The following ST3GAL2 variants were observed in gnomAD, a reference collection of about 807,000 sequenced individuals.
The protein encoded by ST3GAL2 is CMP-N-acetylneuraminate-beta-galactosamide-alpha-2,3-sialyltransferase 2.
In ST3GAL2, 16 loss-of-function variants were observed where a neutral mutation model predicts 37.5. The ratio of observed to expected loss-of-function variants is 0.43; its 90% CI spans 0.29 to 0.65. ST3GAL2 has a LOEUF of 0.65. Among genes scored for constraint, ST3GAL2 ranks in the 30% least tolerant of loss-of-function variants. The pLI is 0.17. For missense variants in ST3GAL2, 383 were observed against 487.8 expected (o/e 0.79, Z 2.02); for synonymous variants, 238 against 202.9 (o/e 1.17, Z -1.47).
intron 1 of ST3GAL2, among the ~76,000 whole-genome samples, chr16:70,431,511 A>C (rs1371438515): frequency 2.6e-5 from 4 of 152,184 alleles, no homozygotes; most frequent in Admixed American, 6.5e-5. Context: ...CAGAAAGAAG[A>C]AGCTGGGTTG....
In ST3GAL2 at chr16:70,399,532, C is replaced by T; in HGVS notation, c.-1002G>A. On this transcript the variant is annotated splice_region_variant and 5_prime_UTR_variant, in exon 2 of 7. Transcript: ENST00000342907. Reference sequence around the variant, plus strand: ...CGGGCGCCAGGCTGCCGCAGCACGACCCTAGAATGGCAGAGAGGAGAAATA... The same window carrying T: ...CGGGCGCCAGGCTGCCGCAGCACGATCCTAGAATGGCAGAGAGGAGAAATA... 1 of 398,056 alleles carries T rather than the reference C, an allele frequency of 2.5e-6. No individual in the cohort carries two copies. The highest frequency in any genetic ancestry group is 1.4e-4 in the South Asian group (1 of 7,308). The allele number at this position is 398,056 out of a possible 1,614,324, so 24.7% of individuals were successfully genotyped here.
chr16:70,407,202 G>T (rs931212294), intron 1 of ST3GAL2, among the ~76,000 whole-genome samples: 1 of 150,564 alleles, frequency 6.6e-6, no homozygotes, highest in African/African-American at 2.4e-5. Flanking sequence ...GTGCAGTGGC[G>T]CAATATTGGC....
chr16:70,403,986 C>T (rs1367760882), intron 1 of ST3GAL2, among the ~76,000 whole-genome samples: 3 of 151,636 alleles, frequency 2.0e-5, no homozygotes, highest in Non-Finnish European at 4.4e-5. Flanking sequence ...CAGAGTGATA[C>T]CACAACTCGA....
chr16:70,385,831 T>A (rs1426902866), intron 4 of ST3GAL2, among the ~76,000 whole-genome samples: 1 of 150,376 alleles, frequency 6.6e-6, no homozygotes, highest in Non-Finnish European at 1.5e-5. Flanking sequence ...ACCTCATCCT[T>A]GAGTGGCTAG....
intron 1 of ST3GAL2, among the ~76,000 whole-genome samples, chr16:70,413,492 G>A (rs1174066007): frequency 1.4e-5 from 2 of 139,900 alleles, no homozygotes; most frequent in East Asian, 2.1e-4. Flanking sequence ...GAAGCAGCCA[G>A]ATCACCTGAG....
At chr16:70,430,848 G>C (rs1332640500) in intron 1 of ST3GAL2, among the ~76,000 whole-genome samples, 1 of 152,028 alleles carries the variant, frequency 6.6e-6, no homozygotes, top group East Asian at 1.9e-4. Context: ...ATTCCCTTTG[G>C]TTGCTGCCAT....
intron 2 of ST3GAL2, 60 bp downstream of exon 2, chr16:70,398,132 G>A: frequency 1.3e-6 from 2 of 1,549,054 alleles, no homozygotes; most frequent in Non-Finnish European, 1.8e-6. Flanking sequence ...ATCCAAGAGG[G>A]GGCTCTGAGT....
intron 3 of ST3GAL2, among the ~76,000 whole-genome samples, chr16:70,392,639 A>C (rs1376599802): frequency 6.6e-6 from 1 of 152,142 alleles, no homozygotes; most frequent in Non-Finnish European, 1.5e-5. Context: ...AAATAGGAGG[A>C]GTGAGTGGCA....
intron 1 of ST3GAL2, among the ~76,000 whole-genome samples, chr16:70,403,322 C>T (rs1262491721): frequency 6.6e-6 from 1 of 152,138 alleles, no homozygotes; most frequent in Non-Finnish European, 1.5e-5. Flanking sequence ...CTGTCATTCA[C>T]TATACAGAAA....
intron 1 of ST3GAL2, among the ~76,000 whole-genome samples, chr16:70,417,929 C>G (rs150566001): frequency 3.1e-3 from 466 of 152,262 alleles, no homozygotes; most frequent in African/African-American, 0.01. Context: ...AAGGTGCTGA[C>G]AGTCCGCTCT....
intron 6 of ST3GAL2, 78 bp from the exon 7 acceptor site, chr16:70,381,940 A>G (rs2047408947): frequency 6.4e-7 from 1 of 1,562,556 alleles, no homozygotes; most frequent in Middle Eastern, 2.2e-4. Context: ...GATGACAGGG[A>G]GGAGAGGGGA....
In ST3GAL2 at chr16:70,423,004, C is replaced by G. The variant is rs2047725795; in HGVS notation, c.-1004+15945G>C. 2.0e-5 allele frequency: 3 copies of G among 152,218 alleles called. No individual in the cohort carries two copies. The South Asian group carries it at 6.2e-4, about 32-fold the overall frequency. 9.4% of individuals were successfully genotyped at this position (152,218 alleles called of 1,614,324 possible). On this transcript the variant is annotated intron_variant, in intron 1 of 6. Transcript: ENST00000342907. ...CAAAGGAGGAGACAGAGGGGGAGCA[C>G]GACTCACCCCAAATCCCTCAACAGA...
intron 1 of ST3GAL2, among the ~76,000 whole-genome samples, chr16:70,401,994 CAAAA>C (rs749422742): frequency 1.7e-5 from 1 of 60,196 alleles, no homozygotes; most frequent in Admixed American, 2.3e-4. Context: ...AACTCTGCCT[CAAAA>C]AAAAAAAAAA....
At chr16:70,420,188 G>T (rs1287851492) in intron 1 of ST3GAL2, among the ~76,000 whole-genome samples, 1 of 152,098 alleles carries the variant, frequency 6.6e-6, no homozygotes, top group Admixed American at 6.6e-5. Context: ...TGGGAGGATG[G>T]AACCAGGTGG....
intron 1 of ST3GAL2, among the ~76,000 whole-genome samples, chr16:70,424,777 T>C (rs1406991677): frequency 6.6e-6 from 1 of 152,192 alleles, no homozygotes; most frequent in Non-Finnish European, 1.5e-5. Context: ...CCTGTGGGTA[T>C]GACTGGCCAC....
intron 1 of ST3GAL2, among the ~76,000 whole-genome samples, chr16:70,422,475 C>G (rs1222793301): frequency 6.6e-6 from 1 of 152,174 alleles, no homozygotes; most frequent in Non-Finnish European, 1.5e-5. Context: ...ACAGGTCAGT[C>G]TGGGCTGGCA....
intron 1 of ST3GAL2, among the ~76,000 whole-genome samples, chr16:70,412,144 G>A (rs2047642614): frequency 6.6e-6 from 1 of 152,178 alleles, no homozygotes; most frequent in African/African-American, 2.4e-5. Context: ...GCAAAGGTCT[G>A]TAGGTGATAA....
Position 70,377,364 on chromosome 16 carries a change from C to G in ST3GAL2, c.*4325G>C, listed in dbSNP as rs554139268. On this transcript the variant is annotated 3_prime_UTR_variant, in exon 7 of 7. Coordinates refer to ENST00000342907, the MANE Select transcript of ST3GAL2 (RefSeq NM_006927.4). ...GCGTGGTAGTGCATGCCTGTAATCC[C>G]AGCTACTCAGGAGGCTGAGACAGGA... 1 of 150,322 alleles carries G rather than the reference C, an allele frequency of 6.7e-6. No individual in the cohort carries two copies. The highest frequency in any genetic ancestry group is 2.0e-4 in the East Asian group (1 of 5,104). 9.3% of individuals were successfully genotyped at this position (150,322 alleles called of 1,614,324 possible).
intron 2 of ST3GAL2, among the ~76,000 whole-genome samples, chr16:70,396,528 T>G (rs2047517489): frequency 6.6e-6 from 1 of 152,000 alleles, no homozygotes; most frequent in African/African-American, 2.4e-5. Flanking sequence ...CGCTCGAGCC[T>G]TGGGGATCAA....
Sources: gnomAD v4.1 joint callset for allele counts (sites outside exome capture counted in the v4.1 genomes callset) on GRCh38, gnomAD v4.1.1 for gene constraint, MANE v1.5 for transcripts, NCBI Gene and HGNC (gene_info 2026-07-23, HGNC 2026-07-21) for gene names.